The following NAPG variants were observed in gnomAD, a reference collection of about 807,000 sequenced individuals.
The protein encoded by NAPG is gamma-soluble NSF attachment protein.
In NAPG, 25 loss-of-function variants were observed where a neutral mutation model predicts 48.4. The ratio of observed to expected loss-of-function variants is 0.52; its 90% CI spans 0.38 to 0.72. NAPG has a LOEUF of 0.72. NAPG is among the 30% of genes least tolerant of loss of function. NAPG has a pLI of 0.00. For missense variants in NAPG, 359 were observed against 372.5 expected (o/e 0.96, Z 0.30); for synonymous variants, 139 against 127.2 (o/e 1.09, Z -0.62).
intron 1 of NAPG, 22 bp downstream of exon 1, chr18:10,526,180 G>T (rs760252952): frequency 2.5e-6 from 4 of 1,607,590 alleles, no homozygotes; most frequent in East Asian, 2.2e-5. Context: ...CCTTCCGGGG[G>T]CCTGTGTGTA....
Position 10,533,580 on chromosome 18 carries a change from T to C in NAPG, c.227+27T>C, listed in dbSNP as rs760783752. On this transcript the variant is annotated intron_variant, in intron 4 of 11. Coordinates refer to ENST00000322897, the MANE Select transcript of NAPG (RefSeq NM_003826.3). ...TAAGTATTCTTCATGTTTTCATGTA[T>C]TTGCAAATTATGTTTTAAATGTTGC... 5 of 1,584,716 alleles carry C rather than the reference T, an allele frequency of 3.2e-6. No individual in the cohort carries two copies. The South Asian group carries it at 5.9e-5, about 19-fold the overall frequency.
chr18:10,539,645 A>G lies in NAPG; in HGVS notation c.259-117A>G, dbSNP rs1013994990. On this transcript the variant is annotated intron_variant, in intron 5 of 11. Transcript: ENST00000322897. This position sits in a 1 kb window ranked among gnomAD's most constrained non-coding sequence, Gnocchi z 4.7. ...GTATACCTATGTAACAAACCTGCAC[A>G]TTCTGCACATGTGTCCCAGAACTTA... The G allele has an allele frequency of 1.1e-5, 9 of 822,300 alleles. No homozygotes were observed. Among genetic ancestry groups the G allele is most frequent in the Admixed American group, 9.2e-5 (4 of 43,598 alleles). The allele number at this position is 822,300 out of a possible 1,614,324, so 50.9% of individuals were successfully genotyped here.
In NAPG at chr18:10,539,511, G is replaced by A. The variant is rs944647731; in HGVS notation, c.259-251G>A. 36 of 391,260 alleles carry A rather than the reference G, an allele frequency of 9.2e-5. No individual in the cohort carries two copies. In the Admixed American group the frequency reaches 1.1e-3, roughly 12 times the overall value. 24.2% of individuals were successfully genotyped at this position (391,260 alleles called of 1,614,324 possible). ...GGAACATCACACTCCTGGGCCTGTC[G>A]GGGGCTGGGGAATAAGGGGAGGGAG... On this transcript the variant is annotated intron_variant, in intron 5 of 11. Transcript: ENST00000322897. This position sits in a 1 kb window ranked among gnomAD's most constrained non-coding sequence, Gnocchi z 4.7.
intron 8 of NAPG, among the ~76,000 whole-genome samples, chr18:10,545,989 G>A (rs2032256712): frequency 6.6e-6 from 1 of 152,196 alleles, no homozygotes; most frequent in Admixed American, 6.5e-5. Flanking sequence ...AATCTTGGGT[G>A]ATTTAATCGA....
At chr18:10,537,181 A>G (rs917948028) in intron 5 of NAPG, among the ~76,000 whole-genome samples, 14 of 150,016 alleles carry the variant, frequency 9.3e-5, no homozygotes, top group African/African-American at 3.4e-4. Flanking sequence ...CTGGGCTCAA[A>G]CTCCTGGGCT....
Position 10,527,159 on chromosome 18 carries a change from G to T in NAPG, c.56+1001G>T, listed in dbSNP as rs181776504. Among the ~76,000 whole-genome samples the T allele has an allele frequency of 2.5e-4, 35 of 138,168 alleles. No homozygotes were observed. In the East Asian group the frequency reaches 6.9e-3, roughly 27 times the overall value. The allele number at this position is 138,168 out of a possible 152,430, so 90.6% of individuals were successfully genotyped here. Reference sequence around the variant, plus strand: ...GCCGAGATCGCGCCACTGCACTCCAGCCTGGGCCACAGAGCGAGACTCCGT... The same window carrying T: ...GCCGAGATCGCGCCACTGCACTCCATCCTGGGCCACAGAGCGAGACTCCGT... On this transcript the variant is annotated intron_variant, in intron 1 of 11. Transcript: ENST00000322897.
At position 10,544,351 on chromosome 18, in the gene NAPG, G is replaced by A. The variant is rs975838145; in HGVS notation, c.507-1975G>A. 1.3e-5 allele frequency among the ~76,000 whole-genome samples: 2 copies of A among 152,212 alleles called. No homozygotes were observed. The highest frequency in any genetic ancestry group is 1.5e-5 in the Non-Finnish European group (1 of 68,038). ...AGCAGAGCTAGGGTCTCACCAGGCC[G>A]AAATGAAGGTGTCGGAGGGGGCTGA... On this transcript the variant is annotated intron_variant, in intron 8 of 11. Transcript: ENST00000322897. The surrounding 1 kb of genome is among the most constrained non-coding windows in gnomAD (Gnocchi z 5.1).
intron 3 of NAPG, 138 bp from the exon 4 acceptor site, chr18:10,533,398 T>C (rs1192283533): frequency 4.7e-6 from 3 of 631,920 alleles, no homozygotes; most frequent in Non-Finnish European, 7.8e-6. Context: ...AATTACTTCT[T>C]TTTTACCTGT....
intron 4 of NAPG, among the ~76,000 whole-genome samples, chr18:10,533,919 C>T (rs1038209829): frequency 4.5e-4 from 68 of 152,168 alleles, no homozygotes; most frequent in Admixed American, 1.3e-4. Context: ...CCGAGGCAGG[C>T]GGATCACTTG....
At chr18:10,530,110 A>G (rs2031897474) in intron 1 of NAPG, among the ~76,000 whole-genome samples, 1 of 151,580 alleles carries the variant, frequency 6.6e-6, no homozygotes, top group Admixed American at 6.6e-5. Flanking sequence ...TAGTGATCCT[A>G]GAAAGCAGTT....
intron 5 of NAPG, among the ~76,000 whole-genome samples, chr18:10,535,764 G>GTAA (rs1000087769): frequency 6.6e-6 from 1 of 152,080 alleles, no homozygotes; most frequent in African/African-American, 2.4e-5. Context: ...CTGTCTCAAA[G>GTAA]TAATAATAAT....
In NAPG at chr18:10,540,412, A is replaced by G. The variant is rs1363943210; in HGVS notation, c.506+13A>G. The stretch of plus-strand genomic sequence containing the variant: ...TACGAGGACGTAGGTATGTCTTTAA[A>G]AACTATTGCTGTGTGTTTAACTATA... On this transcript the variant is annotated intron_variant, in intron 8 of 11. Transcript: ENST00000322897. 2 of 1,605,356 alleles carry G rather than the reference A, an allele frequency of 1.2e-6. No individual in the cohort carries two copies. Among genetic ancestry groups the G allele is most frequent in the African/African-American group, 2.7e-5 (2 of 74,658 alleles).
Position 10,530,755 on chromosome 18 carries a change from T to C in NAPG, c.57-15T>C. 6.5e-7 allele frequency: 1 copy of C among 1,539,642 alleles called. No homozygotes were observed. The highest frequency in any genetic ancestry group is 8.8e-7 in the Non-Finnish European group (1 of 1,140,138). ...TGGTTGGTAACTCCTGTTAACTGTG[T>C]TTTTTTCATTCTAGCCTGAAAACTG... On this transcript the variant is annotated splice_polypyrimidine_tract_variant and intron_variant, in intron 1 of 11. Coordinates refer to ENST00000322897, the MANE Select transcript of NAPG (RefSeq NM_003826.3).
chr18:10,531,178 T>C (rs984489408), intron 2 of NAPG, among the ~76,000 whole-genome samples: 19 of 152,330 alleles, frequency 1.2e-4, no homozygotes, highest in African/African-American at 4.6e-4. Flanking sequence ...TTATACTTTC[T>C]ATTGAATTAG....
intron 5 of NAPG, among the ~76,000 whole-genome samples, chr18:10,536,623 A>C (rs959142507): frequency 6.6e-6 from 1 of 152,158 alleles, no homozygotes; most frequent in African/African-American, 2.4e-5. Context: ...CCTCTTACTC[A>C]CAGCCTCACT....
Position 10,547,430 on chromosome 18 carries a change from G to A in NAPG, c.586-869G>A, listed in dbSNP as rs140436763. Reference sequence around the variant, plus strand: ...GAGAAAAGACAACTGATGGCAACCCGGCAGTGACCAGGGTTGTTGGCATTA... The same window carrying A: ...GAGAAAAGACAACTGATGGCAACCCAGCAGTGACCAGGGTTGTTGGCATTA... On this transcript the variant is annotated intron_variant, in intron 9 of 11. Transcript: ENST00000322897. 4.6e-4 allele frequency among the ~76,000 whole-genome samples: 70 copies of A among 152,230 alleles called. No individual in the cohort carries two copies. In the East Asian group the frequency reaches 0.011, roughly 24 times the overall value.
intron 2 of NAPG, among the ~76,000 whole-genome samples, chr18:10,532,372 G>T (rs1393001479): frequency 2.0e-5 from 3 of 152,172 alleles, no homozygotes; most frequent in Non-Finnish European, 2.9e-5. Context: ...GAAGTAAGGT[G>T]CTGTCTTTTG....
intron 4 of NAPG, 118 bp downstream of exon 4, chr18:10,533,671 A>G: frequency 1.2e-6 from 1 of 828,320 alleles, no homozygotes; most frequent in Non-Finnish European, 1.8e-6. Flanking sequence ...AATAATAATC[A>G]TTTCTCTTTG....
In NAPG at chr18:10,542,303, AAT is replaced by A. The variant is rs2032173023; in HGVS notation, c.506+1909_506+1910del. Among the ~76,000 whole-genome samples the A allele has an allele frequency of 6.6e-6, 1 of 152,102 alleles. No individual in the cohort carries two copies. Among genetic ancestry groups the A allele is most frequent in the Non-Finnish European group, 1.5e-5 (1 of 68,020 alleles). ...CTGTGCTCAACAAAAATGTTATGGA[AAT>A]ATATTTTTGAAGTGTATTAACAATA... On this transcript the variant is annotated intron_variant, in intron 8 of 11. Coordinates refer to ENST00000322897, the MANE Select transcript of NAPG (RefSeq NM_003826.3). The surrounding 1 kb of genome is among the most constrained non-coding windows in gnomAD (Gnocchi z 4.5).
Sources: gnomAD v4.1 joint callset for allele counts (sites outside exome capture counted in the v4.1 genomes callset) on GRCh38, gnomAD v4.1.1 for gene constraint, Gnocchi (gnomAD v3.1) non-coding constraint, MANE v1.5 for transcripts, NCBI Gene and HGNC (gene_info 2026-07-23, HGNC 2026-07-21) for gene names.